ZNF385B: variants seen among roughly 807,000 people sequenced by gnomAD.
ZNF385B encodes the protein zinc finger protein 533.
ZNF385B carries 23 observed loss-of-function variants against 39.2 expected under a neutral mutation model. That is an observed-to-expected ratio of 0.59 (90% confidence interval 0.42 to 0.83). The LOEUF is 0.83. ZNF385B is among the 40% of genes least tolerant of loss of function. ZNF385B has a pLI of 0.00. For synonymous variants in ZNF385B, 205 were observed against 222.6 expected, an observed-to-expected ratio of 0.92 and a Z score of 0.70; for missense variants, 552 against 598.9, an observed-to-expected ratio of 0.92 and a Z score of 0.82.
At chr2:179,781,629 A>G (rs188166360) in intron 1 of ZNF385B, among the ~76,000 whole-genome samples, 1 of 152,168 alleles carries the variant, frequency 6.6e-6, no homozygotes. Context: ...ATTGGGATAC[A>G]CTAAAATTAA....
At position 179,599,886 on chromosome 2, in the gene ZNF385B, G is replaced by A. The variant is rs374903016; in HGVS notation, c.299-54917C>T. Among the ~76,000 whole-genome samples the A allele has an allele frequency of 1.5e-4, 23 of 152,302 alleles. No homozygotes were observed. In the East Asian group the frequency reaches 2.9e-3, roughly 19 times the overall value. ...GAAGAAATTTCTTCTATGGTGAGGC[G>A]TAAACACCCTTCCCCCATCCTATTG... On this transcript the variant is annotated intron_variant, in intron 3 of 9. Coordinates refer to ENST00000410066, the MANE Select transcript of ZNF385B (RefSeq NM_152520.6).
intron 3 of ZNF385B, among the ~76,000 whole-genome samples, chr2:179,650,203 C>G (rs151170033): frequency 2.8e-3 from 429 of 152,314 alleles, no homozygotes; most frequent in Admixed American, 4.8e-3. Flanking sequence ...AAACAGTTCT[C>G]TAGGAGATTC....
intron 4 of ZNF385B, among the ~76,000 whole-genome samples, chr2:179,527,153 A>C (rs886214256): frequency 2.6e-5 from 4 of 152,224 alleles, no homozygotes; most frequent in African/African-American, 9.6e-5. Flanking sequence ...GGCAACATCT[A>C]ATAGCTGCTG....
At chr2:179,787,244 A>G (rs550015025) in intron 1 of ZNF385B, among the ~76,000 whole-genome samples, 1 of 152,154 alleles carries the variant, frequency 6.6e-6, no homozygotes, top group South Asian at 2.1e-4. Flanking sequence ...TATTTTTAAT[A>G]TATTCAAATC....
intron 3 of ZNF385B, chr2:179,745,799 G>A: frequency 1.3e-6 from 2 of 1,513,054 alleles, no homozygotes; most frequent in Non-Finnish European, 1.8e-6. Flanking sequence ...CTTCCAGTAT[G>A]TGACCAGGAT....
Position 179,769,575 on chromosome 2 carries a change from G to A in ZNF385B, c.226C>T (p.Arg76Ter), listed in dbSNP as rs773678093. The A allele has an allele frequency of 8.7e-6, 14 of 1,614,176 alleles. No individual in the cohort carries two copies. Among genetic ancestry groups the A allele is most frequent in the East Asian group, 2.2e-5 (1 of 44,884 alleles). Residue 76 changes from arginine to a stop codon, truncating the protein, a stop_gained, in exon 3 of 10, where the codon CGA becomes TGA. Coordinates refer to ENST00000410066, the MANE Select transcript of ZNF385B (RefSeq NM_152520.6). LOFTEE classifies it high-confidence loss of function. ...VHSNGKSHRK[R>*]VKQLSDGQPP... ...TGCCCATCACTCAGCTGCTTCACTC[G>A]TTTGCGGTGGGATTTGCCGTTGGAA... is the stretch of plus-strand genomic sequence containing the variant.
chr2:179,528,275 T>G (rs545187102), intron 4 of ZNF385B, among the ~76,000 whole-genome samples: 1 of 152,158 alleles, frequency 6.6e-6, no homozygotes, highest in African/African-American at 2.4e-5. Flanking sequence ...ACCACCATCA[T>G]CATAATCCCA....
intron 3 of ZNF385B, among the ~76,000 whole-genome samples, chr2:179,610,816 TA>T (rs1327203199): frequency 6.6e-6 from 1 of 152,178 alleles, no homozygotes; most frequent in African/African-American, 2.4e-5. Context: ...TAAATAAGAT[TA>T]TTTTCTTGAT....
chr2:179,798,888 C>T (rs1030348679), intron 1 of ZNF385B, among the ~76,000 whole-genome samples: 2 of 151,846 alleles, frequency 1.3e-5, no homozygotes, highest in Admixed American at 6.6e-5. Flanking sequence ...CAAATTTTAT[C>T]TACATAAAAG....
chr2:179,835,760 T>C (rs1340836199), intron 1 of ZNF385B, among the ~76,000 whole-genome samples: 1 of 152,078 alleles, frequency 6.6e-6, no homozygotes, highest in Non-Finnish European at 1.5e-5. Flanking sequence ...ACCCTTCATA[T>C]CATGTGGGTC....
chr2:179,859,182 A>G (rs1020036540), intron 1 of ZNF385B, among the ~76,000 whole-genome samples: 24 of 152,256 alleles, frequency 1.6e-4, no homozygotes, highest in African/African-American at 5.3e-4. Context: ...AGGTCTCACT[A>G]ATTGGCCATA....
chr2:179,637,968 G>A (rs77074094), intron 3 of ZNF385B, among the ~76,000 whole-genome samples: 6,168 of 152,208 alleles, frequency 0.041, 169 homozygotes, highest in Middle Eastern at 0.075. Context: ...CTGGATTTTC[G>A]TATAGCTGGC....
intron 4 of ZNF385B, among the ~76,000 whole-genome samples, chr2:179,539,035 A>G (rs2059755400): frequency 6.6e-6 from 1 of 152,256 alleles, no homozygotes; most frequent in Non-Finnish European, 1.5e-5. Context: ...ACTTACTGTC[A>G]CATCATGTAA....
At chr2:179,786,444 C>T (rs575989782) in intron 1 of ZNF385B, among the ~76,000 whole-genome samples, 143 of 152,204 alleles carry the variant, frequency 9.4e-4, no homozygotes, top group African/African-American at 2.6e-3. Flanking sequence ...ATTAAATATT[C>T]ATGTTCAACA....
intron 3 of ZNF385B, among the ~76,000 whole-genome samples, chr2:179,720,925 GTT>G (rs56131510): frequency 4.3e-5 from 3 of 70,140 alleles, no homozygotes; most frequent in Admixed American, 1.8e-4. Context: ...ATGCCTGGCT[GTT>G]TTTTTTTTTT....
chr2:179,535,944 G>A (rs2059538387), intron 4 of ZNF385B, among the ~76,000 whole-genome samples: 1 of 152,188 alleles, frequency 6.6e-6, no homozygotes, highest in Non-Finnish European at 1.5e-5. Context: ...GAAGGTGGAA[G>A]TAAAAACAGA....
intron 3 of ZNF385B, among the ~76,000 whole-genome samples, chr2:179,638,388 G>A (rs191145226): frequency 4.6e-5 from 7 of 152,240 alleles, no homozygotes; most frequent in East Asian, 3.9e-4. Context: ...AAGAATTTTC[G>A]AATCTGGCTC....
chr2:179,617,788 G>T (rs887665176), intron 3 of ZNF385B, among the ~76,000 whole-genome samples: 2 of 152,100 alleles, frequency 1.3e-5, no homozygotes, highest in Non-Finnish European at 2.9e-5. Flanking sequence ...GGTGGGGGTT[G>T]GGCTTCTAGT....
intron 6 of ZNF385B, among the ~76,000 whole-genome samples, chr2:179,457,501 T>G (rs980204232): frequency 6.6e-6 from 1 of 152,144 alleles, no homozygotes; most frequent in East Asian, 1.9e-4. Flanking sequence ...CAGCAATGTA[T>G]GAAAATTTCA....
Sources: gnomAD v4.1 joint callset for allele counts (sites outside exome capture counted in the v4.1 genomes callset) on GRCh38, gnomAD v4.1.1 for gene constraint, MANE v1.5 for transcripts, NCBI Gene and HGNC (gene_info 2026-07-23, HGNC 2026-07-21) for gene names.